CYP46A1: variants seen among roughly 807,000 people sequenced by gnomAD.
CYP46A1 encodes cytochrome P450 family 46 subfamily A member 1, also known as cholesterol 24-hydroxylase.
CYP46A1 carries 20 observed loss-of-function variants against 63.3 expected under a neutral mutation model. The ratio of observed to expected loss-of-function variants is 0.32; its 90% CI spans 0.22 to 0.46. The LOEUF (loss-of-function observed/expected upper bound fraction) is 0.46. CYP46A1 is among the 20% of genes least tolerant of loss of function. The probability of loss-of-function intolerance (pLI) is 1.00; values close to 1 mark genes in which losing one functional copy is unlikely to be tolerated. For missense variants in CYP46A1, 445 were observed against 670.8 expected (o/e 0.66, Z 3.72); for synonymous variants, 268 against 273.6 (o/e 0.98, Z 0.20).
chr14:99,691,932 C>G, intron 3 of CYP46A1, 71 bp downstream of exon 3: 1 of 1,481,768 alleles, frequency 6.7e-7, no homozygotes, highest in Non-Finnish European at 9.4e-7. Context: ...AAGCCTGGTC[C>G]CAGAGACTTT....
intron 9 of CYP46A1, 135 bp downstream of exon 9, chr14:99,716,334 T>C: frequency 2.3e-6 from 2 of 875,534 alleles, no homozygotes; most frequent in Non-Finnish European, 3.7e-6. Context: ...GGGGCTGGGC[T>C]GAAGGGAGCA....
intron 10 of CYP46A1, among the ~76,000 whole-genome samples, chr14:99,719,761 CTTTTTTTTTTT>C (rs55891116): frequency 8.5e-6 from 1 of 118,046 alleles, no homozygotes; most frequent in East Asian, 2.4e-4. Flanking sequence ...TTTTTCTTTT[CTTTTTTTTTTT>C]TTTTTTTAAG....
chr14:99,695,632 T>TTATTA (rs1202222380), intron 3 of CYP46A1, among the ~76,000 whole-genome samples: 6 of 147,932 alleles, frequency 4.1e-5, no homozygotes, highest in Non-Finnish European at 7.4e-5. Flanking sequence ...ATTATTATTA[T>TTATTA]TATTATTATT....
chr14:99,685,090 C>T (rs1328311908), intron 1 of CYP46A1, among the ~76,000 whole-genome samples: 3 of 20,224 alleles, frequency 1.5e-4, no homozygotes, highest in Middle Eastern at 0.026. Flanking sequence ...ACTTGCCAAC[C>T]CCCCCCCACC....
chr14:99,716,165 T>A lies in CYP46A1; in HGVS notation c.873T>A (p.Gly291=), dbSNP rs543441457. Residue 291 remains glycine, a synonymous_variant, in exon 9 of 15, where the codon GGT becomes GGA. Transcript: ENST00000261835. ...KAEEGAQDDE[G]LLDNFVTFFI... ...AAGAGGGAGCCCAGGACGACGAGGG[T>A]CTGCTGGACAACTTCGTCACCTTCT... The A allele has an allele frequency of 6.2e-7, 1 of 1,614,176 alleles. No individual in the cohort carries two copies. The highest frequency in any genetic ancestry group is 1.3e-5 in the African/African-American group (1 of 75,030).
chr14:99,722,146 G>A lies in CYP46A1; in HGVS notation c.1176+80G>A. On this transcript the variant is annotated intron_variant, in intron 12 of 14. Transcript: ENST00000261835. This position sits in a 1 kb window ranked among gnomAD's most constrained non-coding sequence, Gnocchi z 4.6. ...GGTGAATTTGGGACTCACCAGGGGA[G>A]CCTGTGGCCCTGTTCCCATCATTGC... is the stretch of plus-strand genomic sequence containing the variant. The A allele has an allele frequency of 9.4e-7, 1 of 1,065,112 alleles. No homozygotes were observed. Among genetic ancestry groups the A allele is most frequent in the Non-Finnish European group, 1.4e-6 (1 of 713,562 alleles). The allele number at this position is 1,065,112 out of a possible 1,614,324, so 66.0% of individuals were successfully genotyped here.
intron 7 of CYP46A1, 148 bp from the exon 8 acceptor site, chr14:99,715,662 C>T: frequency 9.8e-7 from 1 of 1,022,608 alleles, no homozygotes; most frequent in Middle Eastern, 2.5e-4. Context: ...TCCAGTCTCC[C>T]TGGCTGCTTC....
Position 99,706,348 on chromosome 14 carries a change from G to A in CYP46A1, c.444-299G>A, listed in dbSNP as rs2273838. 7.5e-5 allele frequency: 22 copies of A among 292,586 alleles called. No homozygotes were observed. The East Asian group carries it at 9.0e-4, about 12-fold the overall frequency. The allele number at this position is 292,586 out of a possible 1,614,324, so 18.1% of individuals were successfully genotyped here. A position where few individuals can be genotyped will look rare whatever the true frequency, so the allele number is the denominator to read the frequency against. The stretch of plus-strand genomic sequence containing the variant: ...AGGCCCAAAGTTTCTACACTGTCAC[G>A]TCCCTTTGAGGTCAGGGCTGAAGGG... On this transcript the variant is annotated intron_variant, in intron 5 of 14. Transcript: ENST00000261835.
At chr14:99,684,572 C>A in intron 1 of CYP46A1, 36 bp downstream of exon 1, 2 of 1,412,792 alleles carry the variant, frequency 1.4e-6, no homozygotes, top group South Asian at 1.4e-5. Flanking sequence ...GGCTGGGGTG[C>A]TGGGACTGGG....
chr14:99,690,505 A>G (rs1017800497), intron 1 of CYP46A1, among the ~76,000 whole-genome samples: 3 of 152,188 alleles, frequency 2.0e-5, no homozygotes, highest in African/African-American at 7.2e-5. Context: ...AGGAGACAGG[A>G]AGTCATGGGC....
chr14:99,724,502 A>T (rs2056877031), intron 12 of CYP46A1, among the ~76,000 whole-genome samples: 1 of 152,080 alleles, frequency 6.6e-6, no homozygotes, highest in Admixed American at 6.6e-5. Flanking sequence ...CCTGTGGCTC[A>T]CTCTCAGCCT....
chr14:99,703,666 C>A (rs1445411121), intron 5 of CYP46A1: 15 of 983,376 alleles, frequency 1.5e-5, no homozygotes, highest in Admixed American at 6.1e-5. Context: ...ATGCCTCCAT[C>A]AAGGCACCTG....
chr14:99,697,549 T>A (rs2056596916), intron 3 of CYP46A1, among the ~76,000 whole-genome samples: 1 of 152,226 alleles, frequency 6.6e-6, no homozygotes, highest in Admixed American at 6.5e-5. Flanking sequence ...ATTTTTCCCC[T>A]CCTTCTCTTG....
intron 5 of CYP46A1, among the ~76,000 whole-genome samples, chr14:99,704,379 G>A (rs1468816647): frequency 2.0e-5 from 3 of 152,200 alleles, no homozygotes; most frequent in Non-Finnish European, 4.4e-5. Flanking sequence ...GTATTATTGA[G>A]CCTTGGTGAA....
At chr14:99,707,083 G>C (rs1013309681) in intron 6 of CYP46A1, among the ~76,000 whole-genome samples, 2 of 152,156 alleles carry the variant, frequency 1.3e-5, no homozygotes, top group African/African-American at 4.8e-5. Context: ...CAGCCCAAAG[G>C]CTGCCTTCCC....
intron 7 of CYP46A1, chr14:99,709,611 A>T (rs2056711393): frequency 1.3e-5 from 2 of 152,204 alleles, no homozygotes; most frequent in East Asian, 3.8e-4. Context: ...AGGCATATGA[A>T]ACCTATTTAA....
chr14:99,721,475 G>GC, intron 11 of CYP46A1, 152 bp downstream of exon 11: 1 of 640,596 alleles, frequency 1.6e-6, no homozygotes, highest in Non-Finnish European at 2.8e-6. Context: ...GGCCCAGGCT[G>GC]CCCCAGACTA....
chr14:99,701,180 G>C (rs1438194707), intron 5 of CYP46A1, among the ~76,000 whole-genome samples: 2 of 152,092 alleles, frequency 1.3e-5, no homozygotes, highest in Admixed American at 6.5e-5. Flanking sequence ...GTAAGCTAAG[G>C]CTAATTTATT....
At chr14:99,698,853 A>G (rs1566827991) in intron 3 of CYP46A1, among the ~76,000 whole-genome samples, 1 of 152,182 alleles carries the variant, frequency 6.6e-6, no homozygotes, top group Non-Finnish European at 1.5e-5. Flanking sequence ...TTGGTGAGGT[A>G]AGTTGAGCTT....
Sources: allele counts gnomAD v4.1 joint callset (sites outside exome capture counted in the v4.1 genomes callset), GRCh38; gene constraint gnomAD v4.1.1; non-coding constraint Gnocchi (gnomAD v3.1); transcripts MANE v1.5; gene names NCBI Gene and HGNC (gene_info 2026-07-23, HGNC 2026-07-21).